Variants in ERI2 observed in about 807,000 individuals in gnomAD.
ERI2 encodes the protein ERI1 exoribonuclease family member 2.
A neutral mutation model predicts 46.8 loss-of-function variants in ERI2; 35 were observed. That is an observed-to-expected ratio of 0.75 (90% CI 0.57 to 0.99). The LOEUF (loss-of-function observed/expected upper bound fraction) is 0.99, where lower values mean the gene tolerates loss of function less well. Ranked by LOEUF, ERI2 falls within the 50% of genes least tolerant of loss-of-function variation. The pLI, the probability that ERI2 is intolerant of heterozygous loss-of-function variation, is 0.00. For synonymous variants in ERI2, 224 were observed against 271.0 expected, an observed-to-expected ratio of 0.83 and a Z score of 1.70; for missense variants, 695 against 796.2, an observed-to-expected ratio of 0.87 and a Z score of 1.53.
At chr16:20,806,347 C>T (rs2080872134) in intron 1 of ERI2, 61 bp downstream of exon 1, 9 of 1,543,820 alleles carry the variant, frequency 5.8e-6, no homozygotes, top group Admixed American at 3.9e-5. Context: ...CCCTGCTCTG[C>T]GGCCAACGCC....
intron 3 of ERI2, 95 bp from the exon 4 acceptor site, chr16:20,803,018 A>G (rs1165920578): frequency 7.7e-7 from 1 of 1,300,444 alleles, no homozygotes; most frequent in African/African-American, 1.5e-5. Context: ...TTTTAATTAA[A>G]CAACCAGTTT....
rs1317740799 is a variant in ERI2 at position 20,781,269 on chromosome 16, C to A, written c.895-535G>T. 12 of 1,109,004 alleles carry A rather than the reference C, an allele frequency of 1.1e-5. No homozygotes were observed. The East Asian group carries it at 2.3e-4, about 21-fold the overall frequency. The allele number at this position is 1,109,004 out of a possible 1,614,324, so 68.7% of individuals were successfully genotyped here. On this transcript the variant is annotated intron_variant, in intron 10 of 10. Transcript: ENST00000300005. ...ATGTCACATCCAGAAAGTCAATAAG[C>A]CTGAAAAGATACACTCGGCCCCCTC... is the stretch of plus-strand genomic sequence containing the variant.
At chr16:20,792,393 C>G (rs145354182), downstream of ERI2, 3,342 of 1,598,086 alleles carry the variant, frequency 2.1e-3, 10 homozygotes, top group Admixed American at 7.4e-3. Context: ...CACATACTTA[C>G]AAACAGTAGC....
rs779553526 is a variant in ERI2, at chr16:20,790,683, T to C, written c.815+167A>G. On this transcript the variant is annotated intron_variant, in intron 9 of 10. Transcript: ENST00000300005. This position sits in a 1 kb window ranked among gnomAD's most constrained non-coding sequence, Gnocchi z 4.0. ...CCGACCATTTGGCCTTTTTACTCAT[T>C]ACGTAGTAAGTGACTTACTAAATAA... The C allele has an allele frequency of 6.2e-7, 1 of 1,614,082 alleles. No homozygotes were observed. Among genetic ancestry groups the C allele is most frequent in the Non-Finnish European group, 8.5e-7 (1 of 1,179,980 alleles).
Position 20,802,910 on chromosome 16 carries a change from T to C in ERI2, c.189A>G (p.Ala63=). Residue 63 remains alanine, a synonymous_variant, in exon 4 of 9, where the codon GCA becomes GCG. Transcript: ENST00000357967. ...HHSQEIIEFP[A]VLLNTSTGQI... is the part of the protein sequence containing the mutation. Reference sequence around the variant, plus strand: ...GTCCAGTTGATGTGTTCAGCAACACTGCTGGAAACTCAACTAAATGAAAGA... The same window carrying C: ...GTCCAGTTGATGTGTTCAGCAACACCGCTGGAAACTCAACTAAATGAAAGA... The C allele has an allele frequency of 6.3e-7, 1 of 1,587,324 alleles. No homozygotes were observed. The highest frequency in any genetic ancestry group is 1.7e-4 in the Middle Eastern group (1 of 5,936).
Position 20,796,717 on chromosome 16 carries a change from G to A in ERI2, c.*1007C>T. ...ACTCACAGTAAATACTTAATATCAA[G>A]ACAACTTTCCTAACAATACCCTTTT... On this transcript the variant is annotated 3_prime_UTR_variant, in exon 9 of 9. Coordinates refer to ENST00000357967, the MANE Select transcript of ERI2 (RefSeq NM_001142725.2). 2 of 1,486,672 alleles carry A rather than the reference G, an allele frequency of 1.3e-6. No homozygotes were observed. Among genetic ancestry groups the A allele is most frequent in the Non-Finnish European group, 1.8e-6 (2 of 1,125,496 alleles). 92.1% of individuals were successfully genotyped at this position (1,486,672 alleles called of 1,614,324 possible). A position where few individuals can be genotyped will look rare whatever the true frequency, so the allele number is the denominator to read the frequency against.
chr16:20,803,716 A>G, intron 1 of ERI2, 46 bp from the exon 2 acceptor site: 1 of 1,595,546 alleles, frequency 6.3e-7, no homozygotes, highest in South Asian at 1.1e-5. Context: ...ACTCATTCAC[A>G]CTCCTGTTTG....
chr16:20,785,457 T>C (rs1439417793), intron 10 of ERI2, among the ~76,000 whole-genome samples: 1 of 152,196 alleles, frequency 6.6e-6, no homozygotes, highest in Admixed American at 6.5e-5. Context: ...GCTGAGATCC[T>C]TGCTGCCTGA....
chr16:20,800,969 A>T (rs1172356220), intron 5 of ERI2, among the ~76,000 whole-genome samples: 1 of 152,216 alleles, frequency 6.6e-6, no homozygotes, highest in East Asian at 1.9e-4. Context: ...GGAACTCTAG[A>T]AACATTTTTT....
chr16:20,796,817 T>C lies in ERI2; in HGVS notation c.*907A>G. 2 of 1,593,242 alleles carry C rather than the reference T, an allele frequency of 1.3e-6. No homozygotes were observed. The highest frequency in any genetic ancestry group is 2.3e-5 in the South Asian group (2 of 85,910). ...TTCCACCTAGAATTCATAATCAAAC[T>C]GCTATATAATTGGCTTTATGTAAAG... is the stretch of plus-strand genomic sequence containing the variant. On this transcript the variant is annotated 3_prime_UTR_variant, in exon 9 of 9. Coordinates refer to ENST00000357967, the MANE Select transcript of ERI2 (RefSeq NM_001142725.2).
chr16:20,802,834 G>C lies in ERI2; in HGVS notation c.265C>G (p.Leu89Val), dbSNP rs371146882. ...GTCAATTCCATGCAAAATTCTGAAA[G>C]AATTGGATGTTCCTGAGGTTGAACA... ...AYVQPQEHPI[L>V]SEFCMELTGI... The change falls in exon 4 of 9, where the codon CTT becomes GTT. Residue 89 changes from leucine (L) to valine (V), a missense_variant. Transcript: ENST00000357967. The C allele has an allele frequency of 1.4e-3, 2,279 of 1,610,990 alleles. 47 individuals are homozygous for C. The South Asian group carries it at 0.024, about 17-fold the overall frequency.
rs200509570 is a variant in ERI2, at chr16:20,790,802, T to C, written c.815+48A>G. 108 of 1,613,358 alleles carry C rather than the reference T, an allele frequency of 6.7e-5. No homozygotes were observed. In the East Asian group the frequency reaches 1.4e-3, roughly 20 times the overall value. The stretch of plus-strand genomic sequence containing the variant: ...AGGTACTTGACCCTTTCTTGAGAGA[T>C]TGGTTGTCCTGAATAGTAATCCAAA... On this transcript the variant is annotated intron_variant, in intron 9 of 10. Transcript: ENST00000300005. This position sits in a 1 kb window ranked among gnomAD's most constrained non-coding sequence, Gnocchi z 4.0.
intron 1 of ERI2, among the ~76,000 whole-genome samples, chr16:20,803,933 G>A (rs906950262): frequency 1.3e-5 from 2 of 152,126 alleles, no homozygotes; most frequent in African/African-American, 4.8e-5. Flanking sequence ...ACTCACTACA[G>A]CCTTAATCTC....
downstream of ERI2, chr16:20,792,307 T>C: frequency 6.2e-7 from 1 of 1,614,100 alleles, no homozygotes; most frequent in Non-Finnish European, 8.5e-7. Context: ...TCAGCTGTTG[T>C]CAGCAGCCCA....
chr16:20,789,125 G>A (rs2080537907), intron 10 of ERI2, among the ~76,000 whole-genome samples: 1 of 152,148 alleles, frequency 6.6e-6, no homozygotes, highest in African/African-American at 2.4e-5. Context: ...ATCAACTTGA[G>A]AAATGCTAAT....
intron 10 of ERI2, chr16:20,780,947 C>T (rs1306284099): frequency 1.2e-6 from 2 of 1,613,660 alleles, no homozygotes; most frequent in African/African-American, 1.3e-5. Flanking sequence ...TTCCTATGTA[C>T]ATCAGGGCTA....
intron 10 of ERI2, chr16:20,781,039 CT>C (rs2080341718): frequency 6.2e-7 from 1 of 1,614,190 alleles, no homozygotes; most frequent in Non-Finnish European, 8.5e-7. Context: ...TGGGCAAAGT[CT>C]GCATGGAGTA....
At chr16:20,783,653 A>C (rs1185141156) in intron 10 of ERI2, 1 of 152,184 alleles carries the variant, frequency 6.6e-6, no homozygotes, top group African/African-American at 2.4e-5. Context: ...CCTGCCATAA[A>C]ATTCAAAAGG....
downstream of ERI2, among the ~76,000 whole-genome samples, chr16:20,793,693 G>A (rs1420622836): frequency 6.6e-6 from 1 of 152,210 alleles, no homozygotes; most frequent in African/African-American, 2.4e-5. Context: ...GCTATTTACT[G>A]TGAAAGGGTA....
Sources: gnomAD v4.1 joint callset for allele counts (sites outside exome capture counted in the v4.1 genomes callset) on GRCh38, gnomAD v4.1.1 for gene constraint, Gnocchi (gnomAD v3.1) non-coding constraint, MANE v1.5 for transcripts, NCBI Gene and HGNC (gene_info 2026-07-23, HGNC 2026-07-21) for gene names.